TRPM3: variants seen among roughly 807,000 people sequenced by gnomAD.
TRPM3 encodes the protein long transient receptor potential channel 3.
In TRPM3, 77 loss-of-function variants were observed where a neutral mutation model predicts 181.2. That is an observed-to-expected ratio of 0.42 (90% CI 0.35 to 0.51). The LOEUF (loss-of-function observed/expected upper bound fraction) is 0.51. Ranked by LOEUF, TRPM3 falls within the 20% of genes least tolerant of loss-of-function variation. The pLI is 0.01. For synonymous variants in TRPM3, 745 were observed against 796.4 expected (o/e 0.94, Z 1.09); for missense variants, 1,759 against 2,196.7 (o/e 0.80, Z 3.98).
At chr9:71,155,004 G>T (rs184307780) in intron 1 of TRPM3, among the ~76,000 whole-genome samples, 1 of 152,272 alleles carries the variant, frequency 6.6e-6, no homozygotes, top group Admixed American at 6.5e-5. Context: ...AGATGTATTT[G>T]TATTGTCATA....
intron 6 of TRPM3, among the ~76,000 whole-genome samples, chr9:70,796,871 G>T (rs1477011750): frequency 6.6e-6 from 1 of 152,124 alleles, no homozygotes; most frequent in Non-Finnish European, 1.5e-5. Context: ...GCTCATGCCT[G>T]TAATCCCAGC....
chr9:70,981,132 A>ACAGACCTGCT (rs1271095844), intron 1 of TRPM3, among the ~76,000 whole-genome samples: 3 of 152,168 alleles, frequency 2.0e-5, no homozygotes, highest in Non-Finnish European at 4.4e-5. Context: ...CCCCATCCCC[A>ACAGACCTGCT]CAGACCTGCT....
In TRPM3 at chr9:70,761,620, C is replaced by A; in HGVS notation, c.1253G>T (p.Cys418Phe). 2 of 1,613,996 alleles carry A rather than the reference C, an allele frequency of 1.2e-6. No individual in the cohort carries two copies. Among genetic ancestry groups the A allele is most frequent in the Non-Finnish European group, 1.7e-6 (2 of 1,179,942 alleles). The stretch of plus-strand genomic sequence containing the variant: ...ACCTACCAATTCCTTCTTCTTCATG[C>A]ACTCCATGAGGATGATGAACAGATG... ...AQHLFIILME[C>F]MKKKELITVF... is the part of the protein sequence containing the mutation. The change falls in exon 8 of 26, where the codon TGC becomes TTC. Residue 418 changes from cysteine (C) to phenylalanine (F), a missense_variant. Physicochemically the swap from Cys to Phe is radical, Grantham distance 205. Around this residue, in one of 8 missense-constraint regions of TRPM3, gnomAD observed 737 missense variants for 957.4 expected, o/e 0.77. Transcript: ENST00000677713.
At chr9:70,697,840 C>T (rs973433723) in intron 8 of TRPM3, among the ~76,000 whole-genome samples, 1 of 152,228 alleles carries the variant, frequency 6.6e-6, no homozygotes, top group Non-Finnish European at 1.5e-5. Context: ...ACATTAAATC[C>T]ACAATTTAGC....
intron 22 of TRPM3, among the ~76,000 whole-genome samples, chr9:70,569,197 G>A (rs2051486887): frequency 6.6e-6 from 1 of 152,136 alleles, no homozygotes; most frequent in Non-Finnish European, 1.5e-5. Context: ...TTCATGTCTT[G>A]TTTATCCTGC....
At chr9:71,004,722 G>C (rs2097654811) in intron 1 of TRPM3, among the ~76,000 whole-genome samples, 1 of 152,120 alleles carries the variant, frequency 6.6e-6, no homozygotes, top group African/African-American at 2.4e-5. Flanking sequence ...AATGTGGATA[G>C]ATAACTAAAT....
intron 1 of TRPM3, among the ~76,000 whole-genome samples, chr9:70,908,517 A>G (rs1480992816): frequency 6.6e-6 from 1 of 152,248 alleles, no homozygotes; most frequent in African/African-American, 2.4e-5. Context: ...GCTAAGGAAA[A>G]CAATACTGAA....
chr9:71,370,475 T>C (rs1315756012), intron 1 of TRPM3, among the ~76,000 whole-genome samples: 1 of 148,922 alleles, frequency 6.7e-6, no homozygotes, highest in South Asian at 2.1e-4. Flanking sequence ...GTGGTCTGGA[T>C]AGAAAAAAAA....
chr9:70,962,548 GT>G (rs550966491), intron 1 of TRPM3, among the ~76,000 whole-genome samples: 85 of 152,260 alleles, frequency 5.6e-4, no homozygotes, highest in African/African-American at 1.9e-3. Flanking sequence ...AGATGCAGTA[GT>G]TTCCCCCTAT....
At chr9:71,406,890 G>C (rs926399197) in intron 1 of TRPM3, among the ~76,000 whole-genome samples, 2 of 152,096 alleles carry the variant, frequency 1.3e-5, no homozygotes, top group African/African-American at 4.8e-5. Flanking sequence ...CAGTGATCAG[G>C]CTTAATATGG....
intron 1 of TRPM3, among the ~76,000 whole-genome samples, chr9:71,235,750 A>C (rs1274029825): frequency 6.6e-6 from 1 of 152,216 alleles, no homozygotes; most frequent in East Asian, 1.9e-4. Flanking sequence ...TGCAAAGTCA[A>C]ACACACAAAT....
At chr9:71,042,884 A>G (rs563165643) in intron 1 of TRPM3, among the ~76,000 whole-genome samples, 1 of 152,346 alleles carries the variant, frequency 6.6e-6, no homozygotes, top group South Asian at 2.1e-4. Flanking sequence ...AGAAAGCACC[A>G]TGGTGTGTTA....
chr9:71,164,893 T>C (rs905352893), intron 1 of TRPM3, among the ~76,000 whole-genome samples: 1 of 152,198 alleles, frequency 6.6e-6, no homozygotes, highest in African/African-American at 2.4e-5. Context: ...ATCTTTTTGA[T>C]TCCATTTAAT....
intron 1 of TRPM3, among the ~76,000 whole-genome samples, chr9:70,920,022 A>G (rs76699583): frequency 2.0e-4 from 30 of 152,308 alleles, no homozygotes; most frequent in Non-Finnish European, 3.7e-4. Flanking sequence ...GAATATAGGT[A>G]GTTTTCTCTT....
intron 1 of TRPM3, among the ~76,000 whole-genome samples, chr9:71,284,070 C>A (rs141806976): frequency 6.6e-6 from 1 of 151,952 alleles, no homozygotes; most frequent in Non-Finnish European, 1.5e-5. Flanking sequence ...ACTTATTTAA[C>A]CTTTGTGGTC....
At chr9:71,375,059 A>G (rs765193899) in intron 1 of TRPM3, among the ~76,000 whole-genome samples, 5 of 152,226 alleles carry the variant, frequency 3.3e-5, no homozygotes, top group Non-Finnish European at 7.3e-5. Context: ...TTAAACTGCC[A>G]GTCACATTCT....
chr9:70,908,902 T>G (rs927482041), intron 1 of TRPM3, among the ~76,000 whole-genome samples: 1 of 152,192 alleles, frequency 6.6e-6, no homozygotes, highest in African/African-American at 2.4e-5. Context: ...CTGTGTCAAC[T>G]GAATATTCAC....
At chr9:70,940,960 CATTTT>C (rs2133553455) in intron 1 of TRPM3, among the ~76,000 whole-genome samples, 1 of 152,306 alleles carries the variant, frequency 6.6e-6, no homozygotes, top group East Asian at 1.9e-4. Context: ...AAATAATGAA[CATTTT>C]ATTATTTCTA....
In TRPM3 at chr9:71,352,124, C is replaced by T. The variant is rs546605443; in HGVS notation, c.183+94529G>A. ...TCTCCTGACTTCGTGATCCACCCAC[C>T]TCAGCCTCCCAAAGTGGTGGGATTA... On this transcript the variant is annotated intron_variant, in intron 1 of 24. Transcript: ENST00000357533. Among the ~76,000 whole-genome samples the T allele has an allele frequency of 3.3e-5, 5 of 152,268 alleles. No individual in the cohort carries two copies. In the South Asian group the frequency reaches 1.0e-3, roughly 32 times the overall value.
Sources: gnomAD v4.1 joint callset for allele counts (sites outside exome capture counted in the v4.1 genomes callset) on GRCh38, gnomAD v4.1.1 for gene constraint, gnomAD v4.1.1 regional missense constraint, MANE v1.5 for transcripts, NCBI Gene and HGNC (gene_info 2026-07-23, HGNC 2026-07-21) for gene names.